The following CNTLN variants were observed in gnomAD, a reference collection of about 807,000 sequenced individuals.
CNTLN encodes the protein centlein, also known as centlein, centrosomal protein.
Under a neutral mutation model 180.0 loss-of-function variants are expected in CNTLN, and 212 were observed. The observed-to-expected ratio is 1.18, with a 90% CI of 1.05 to 1.32. The LOEUF is 1.32. CNTLN is among the 40% of genes most tolerant of loss of function. The pLI is 0.00. For missense variants in CNTLN, 2,095 were observed against 1,610.9 expected, an observed-to-expected ratio of 1.30 and a Z score of -5.14; for synonymous variants, 722 against 563.1, an observed-to-expected ratio of 1.28 and a Z score of -3.99.
chr9:17,466,513 T>C (rs1186434558), intron 22 of CNTLN, among the ~76,000 whole-genome samples, 193 bp from the exon 23 acceptor site: 19 of 151,616 alleles, frequency 1.3e-4, no homozygotes, highest in Non-Finnish European at 2.5e-4. Flanking sequence ...TAAACTAATT[T>C]AGATGATAAG....
At chr9:17,145,163 A>T (rs958788619) in intron 2 of CNTLN, among the ~76,000 whole-genome samples, 1 of 152,128 alleles carries the variant, frequency 6.6e-6, no homozygotes, top group African/African-American at 2.4e-5. Flanking sequence ...TAAAATGAAG[A>T]TCTCTGGGCC....
Position 17,409,397 on chromosome 9 carries a change from A to T in CNTLN, c.2720A>T (p.Asp907Val), listed in dbSNP as rs752412804. ...GATGGAAAAGACCAGAAAGAAAGTGATCCAACAGAAGACAGCCAAACACAA... is the reference window on the plus strand; with the variant it reads ...GATGGAAAAGACCAGAAAGAAAGTGTTCCAACAGAAGACAGCCAAACACAA... Reference protein sequence around the residue: ...TEDGKDQKESDPTEDSQTQGK... With the variant: ...TEDGKDQKESVPTEDSQTQGK... Residue 907 changes from aspartate (D) to valine (V), a missense_variant, in exon 16 of 26, where the codon GAT becomes GTT. Asp to Val is a radical substitution (Grantham distance 152, BLOSUM62 -3). Transcript: ENST00000380647. 1 of 1,613,524 alleles carries T rather than the reference A, an allele frequency of 6.2e-7. No homozygotes were observed. Among genetic ancestry groups the T allele is most frequent in the Non-Finnish European group, 8.5e-7 (1 of 1,179,666 alleles).
chr9:17,386,973 C>T (rs1825730097), intron 13 of CNTLN, among the ~76,000 whole-genome samples: 1 of 152,176 alleles, frequency 6.6e-6, no homozygotes, highest in Admixed American at 6.6e-5. Context: ...AACTTGGGAA[C>T]TGATAGATTA....
At chr9:17,474,341 A>T (rs1261713634) in intron 23 of CNTLN, among the ~76,000 whole-genome samples, 1 of 152,118 alleles carries the variant, frequency 6.6e-6, no homozygotes, top group Non-Finnish European at 1.5e-5. Context: ...AGTCATCCAG[A>T]TGGTTAGGCT....
At chr9:17,284,216 G>C (rs1464523755) in intron 6 of CNTLN, among the ~76,000 whole-genome samples, 1 of 151,984 alleles carries the variant, frequency 6.6e-6, no homozygotes, top group African/African-American at 2.4e-5. Context: ...CAATGTTCAG[G>C]GATATTGGCC....
At chr9:17,204,925 C>A (rs373759010) in intron 2 of CNTLN, among the ~76,000 whole-genome samples, 1 of 152,210 alleles carries the variant, frequency 6.6e-6, no homozygotes, top group African/African-American at 2.4e-5. Context: ...TGGCCACAAC[C>A]GCTTTGCTGT....
At chr9:17,214,258 A>C (rs1038337626) in intron 2 of CNTLN, among the ~76,000 whole-genome samples, 9 of 149,836 alleles carry the variant, frequency 6.0e-5, no homozygotes, top group Admixed American at 5.3e-4. Flanking sequence ...TGGTGGTGAC[A>C]AAATCTCTCA....
At chr9:17,292,464 T>A (rs1829479215) in intron 6 of CNTLN, among the ~76,000 whole-genome samples, 1 of 152,208 alleles carries the variant, frequency 6.6e-6, no homozygotes, top group Non-Finnish European at 1.5e-5. Flanking sequence ...TCGGTCTTTT[T>A]ACATAATCCC....
At chr9:17,206,338 A>G (rs1174872659) in intron 2 of CNTLN, among the ~76,000 whole-genome samples, 1 of 152,188 alleles carries the variant, frequency 6.6e-6, no homozygotes, top group Non-Finnish European at 1.5e-5. Context: ...GATCTTAATG[A>G]TAGTATCACT....
At chr9:17,215,066 C>T (rs1823638105) in intron 2 of CNTLN, among the ~76,000 whole-genome samples, 1 of 152,232 alleles carries the variant, frequency 6.6e-6, no homozygotes, top group African/African-American at 2.4e-5. Context: ...TAAAGTGATT[C>T]TCCATCCAGC....
chr9:17,356,076 A>AAAG (rs66463674), intron 12 of CNTLN, among the ~76,000 whole-genome samples: 76,239 of 139,936 alleles, frequency 0.54, 21,249 homozygotes, highest in East Asian at 0.73. Context: ...AAAAAAAAAA[A>AAAG]AAAAAGAAAA....
rs758896528 is a variant in CNTLN, at chr9:17,484,378, C to T, written c.3939C>T (p.Asp1313=). 1.5e-4 allele frequency: 236 copies of T among 1,612,376 alleles called. 2 individuals are homozygous for T. The highest frequency in any genetic ancestry group is 1.6e-4 in the Middle Eastern group (1 of 6,082). Reference sequence around the variant, plus strand: ...TTAAAAAAATGAAGAAAAACAGGGACGCCTGTAAAACCTCAACCCATAAAG... The same window carrying T: ...TTAAAAAAATGAAGAAAAACAGGGATGCCTGTAAAACCTCAACCCATAAAG... ...RELKKMKKNR[D]ACKTSTHKAQ... Residue 1313 remains aspartate, a synonymous_variant, in exon 24 of 26, where the codon GAC becomes GAT. Transcript: ENST00000380647.
At chr9:17,372,239 CAAAT>C (rs577646071) in intron 13 of CNTLN, among the ~76,000 whole-genome samples, 4 of 152,072 alleles carry the variant, frequency 2.6e-5, no homozygotes, top group Non-Finnish European at 5.9e-5. Context: ...AAAGAGAACA[CAAAT>C]AAATATCAGA....
At chr9:17,400,347 C>T in intron 15 of CNTLN, among the ~76,000 whole-genome samples, 1 of 152,092 alleles carries the variant, frequency 6.6e-6, no homozygotes, top group African/African-American at 2.4e-5. Flanking sequence ...CCATGTTGGC[C>T]AGGCTGGTCT....
At chr9:17,159,522 C>T (rs368993326) in intron 2 of CNTLN, among the ~76,000 whole-genome samples, 13 of 152,294 alleles carry the variant, frequency 8.5e-5, no homozygotes, top group South Asian at 8.3e-4. Context: ...CAAAGTAGAG[C>T]CTATATTCCA....
intron 6 of CNTLN, among the ~76,000 whole-genome samples, chr9:17,286,522 GT>G (rs1364310275): frequency 7.3e-6 from 1 of 137,188 alleles, no homozygotes; most frequent in Non-Finnish European, 1.5e-5. Context: ...CTTTAAAGTA[GT>G]TTTTTCCAAT....
chr9:17,145,445 TAAA>T (rs1160444049), intron 2 of CNTLN, among the ~76,000 whole-genome samples: 2 of 152,238 alleles, frequency 1.3e-5, no homozygotes, highest in African/African-American at 4.8e-5. Context: ...AAGAATATTC[TAAA>T]TATCAAGGTC....
downstream of CNTLN, among the ~76,000 whole-genome samples, chr9:17,508,275 C>T (rs1210856367): frequency 6.6e-6 from 1 of 152,116 alleles, no homozygotes; most frequent in Non-Finnish European, 1.5e-5. Flanking sequence ...TTAACATTCA[C>T]AAGAAGTTGC....
chr9:17,521,533 G>C, the CNTLN span, among the ~76,000 whole-genome samples: 2 of 152,200 alleles, frequency 1.3e-5, no homozygotes, highest in East Asian at 3.9e-4. Context: ...TTGTTTAATA[G>C]CCTAGCTTTT....
Sources: allele counts gnomAD v4.1 joint callset (sites outside exome capture counted in the v4.1 genomes callset), GRCh38; gene constraint gnomAD v4.1.1; transcripts MANE v1.5; gene names NCBI Gene and HGNC (gene_info 2026-07-23, HGNC 2026-07-21).